The following TM9SF3 variants were observed in gnomAD, a reference collection of about 807,000 sequenced individuals.
The protein encoded by TM9SF3 is SM-11044-binding protein.
A neutral mutation model predicts 78.6 loss-of-function variants in TM9SF3; 14 were observed. The ratio of observed to expected loss-of-function variants is 0.18; its 90% CI spans 0.12 to 0.28. The LOEUF is 0.28. Among genes scored for constraint, TM9SF3 ranks in the 10% least tolerant of loss-of-function variants. TM9SF3 has a pLI of 1.00. For synonymous variants in TM9SF3, 231 were observed against 241.7 expected (o/e 0.96, Z 0.41); for missense variants, 496 against 721.9 (o/e 0.69, Z 3.59).
chr10:96,586,690 T>G (rs973292141), intron 1 of TM9SF3, 44 bp downstream of exon 1: 11 of 1,213,368 alleles, frequency 9.1e-6, no homozygotes, highest in Non-Finnish European at 1.1e-5. Flanking sequence ...AGTGGGCAAC[T>G]GGGGAGCTAG....
chr10:96,538,822 T>C (rs1715621827), intron 9 of TM9SF3, among the ~76,000 whole-genome samples: 1 of 152,194 alleles, frequency 6.6e-6, no homozygotes, highest in Non-Finnish European at 1.5e-5. Context: ...AAGACAGCAC[T>C]ATATACTCAC....
chr10:96,532,961 C>T, intron 10 of TM9SF3, 90 bp downstream of exon 10: 2 of 1,453,580 alleles, frequency 1.4e-6, no homozygotes, highest in Admixed American at 2.0e-5. Flanking sequence ...ATCATAAATA[C>T]ATACCAATTC....
chr10:96,540,196 T>A (rs773497420), intron 9 of TM9SF3, among the ~76,000 whole-genome samples: 1 of 152,166 alleles, frequency 6.6e-6, no homozygotes, highest in Non-Finnish European at 1.5e-5. Flanking sequence ...CAGACCACCA[T>A]GTCTCTAAGT....
chr10:96,526,102 A>G (rs1847835454), intron 14 of TM9SF3, among the ~76,000 whole-genome samples: 1 of 152,108 alleles, frequency 6.6e-6, no homozygotes, highest in South Asian at 2.1e-4. Flanking sequence ...TTATAGCCCT[A>G]TGAGGTAGGT....
intron 1 of TM9SF3, among the ~76,000 whole-genome samples, chr10:96,585,094 T>A (rs4919036): frequency 6.6e-6 from 1 of 151,854 alleles, no homozygotes; most frequent in African/African-American, 2.4e-5. Flanking sequence ...TTTGTAAAAT[T>A]TTAATGGTTT....
rs192010130 is a variant in TM9SF3, at chr10:96,560,583, T to C, written c.583-847A>G. On this transcript the variant is annotated intron_variant, in intron 4 of 14. Transcript: ENST00000371142. ...AGAAGATGAACAGGAGGAGGCGAAA[T>C]TCTTAAGGATATCTGGAAAGTGATC... 305 of 677,710 alleles carry C rather than the reference T, an allele frequency of 4.5e-4. No individual in the cohort carries two copies. In the African/African-American group the frequency reaches 5.1e-3, roughly 11 times the overall value. 42.0% of individuals were successfully genotyped at this position (677,710 alleles called of 1,614,324 possible).
intron 5 of TM9SF3, among the ~76,000 whole-genome samples, chr10:96,554,808 CAT>C (rs1848215401): frequency 6.6e-6 from 1 of 152,202 alleles, no homozygotes; most frequent in South Asian, 2.1e-4. Context: ...TCTTCCACCT[CAT>C]ATATAACACT....
At position 96,537,972 on chromosome 10, in the gene TM9SF3, T is replaced by G. The variant is rs143844565; in HGVS notation, c.1186-4782A>C. On this transcript the variant is annotated intron_variant, in intron 9 of 14. Coordinates refer to ENST00000371142, the MANE Select transcript of TM9SF3 (RefSeq NM_020123.4). Reference sequence around the variant, plus strand: ...GTTAAGATGTCAATTTTTCCCAAATTGTGCTATAGATTCAATGTAATCACA... The same window carrying G: ...GTTAAGATGTCAATTTTTCCCAAATGGTGCTATAGATTCAATGTAATCACA... Among the ~76,000 whole-genome samples the G allele has an allele frequency of 5.5e-3, 843 of 152,324 alleles. 5 individuals carry two copies. Among genetic ancestry groups the G allele is most frequent in the African/African-American group, 0.019 (795 of 41,572 alleles).
intron 10 of TM9SF3, 146 bp downstream of exon 10, chr10:96,532,905 G>A (rs548295337): frequency 1.1e-6 from 1 of 949,330 alleles, no homozygotes; most frequent in African/African-American, 1.7e-5. Flanking sequence ...TAGGTTAAAG[G>A]AAATAGTAAA....
intron 5 of TM9SF3, among the ~76,000 whole-genome samples, chr10:96,553,968 T>C (rs1848204939): frequency 6.6e-6 from 1 of 152,174 alleles, no homozygotes; most frequent in African/African-American, 2.4e-5. Flanking sequence ...ATGCCATCCT[T>C]TCTGCTGCCT....
chr10:96,568,430 C>T (rs939032393), intron 2 of TM9SF3, among the ~76,000 whole-genome samples: 1 of 152,068 alleles, frequency 6.6e-6, no homozygotes, highest in Non-Finnish European at 1.5e-5. Context: ...GGGAAAAAAA[C>T]AAAGTAGTAA....
At chr10:96,539,787 T>C (rs1848001248) in intron 9 of TM9SF3, among the ~76,000 whole-genome samples, 1 of 152,088 alleles carries the variant, frequency 6.6e-6, no homozygotes, top group Non-Finnish European at 1.5e-5. Context: ...TAGGCTAGGA[T>C]TCCTTTTGAC....
chr10:96,519,795 CACAT>C lies in TM9SF3; in HGVS notation c.*2464_*2467del, dbSNP rs1847742775. 6.6e-6 allele frequency: 1 copy of C among 151,906 alleles called. No homozygotes were observed. The highest frequency in any genetic ancestry group is 1.5e-5 in the Non-Finnish European group (1 of 67,836). 9.4% of individuals were successfully genotyped at this position (151,906 alleles called of 1,614,324 possible). A position where few individuals can be genotyped will look rare whatever the true frequency, so the allele number is the denominator to read the frequency against. On this transcript the variant is annotated 3_prime_UTR_variant, in exon 15 of 15. Transcript: ENST00000371142. The stretch of plus-strand genomic sequence containing the variant: ...TTAAGAAGACACACACACACGCACA[CACAT>C]ACATACACTTATTCAACCCCTCTAT...
intron 9 of TM9SF3, among the ~76,000 whole-genome samples, chr10:96,540,882 A>G (rs1848021962): frequency 1.4e-5 from 2 of 140,716 alleles, no homozygotes; most frequent in Non-Finnish European, 1.5e-5. Context: ...GGTTCAAGCG[A>G]TTCTCCTGCC....
At chr10:96,537,298 C>A (rs965106172) in intron 9 of TM9SF3, among the ~76,000 whole-genome samples, 1 of 152,128 alleles carries the variant, frequency 6.6e-6, no homozygotes, top group Non-Finnish European at 1.5e-5. Context: ...TACACAAACA[C>A]CACTGTGTTA....
At position 96,586,933 on chromosome 10, in the gene TM9SF3, A is replaced by T; in HGVS notation, c.-98T>A. Reference sequence around the variant, plus strand: ...CCTCCGCCGCGGCCGATTCGCATCCACGGGGCGCGGACAGACGCACGGGGC... The same window carrying T: ...CCTCCGCCGCGGCCGATTCGCATCCTCGGGGCGCGGACAGACGCACGGGGC... On this transcript the variant is annotated 5_prime_UTR_variant, in exon 1 of 15. Coordinates refer to ENST00000371142, the MANE Select transcript of TM9SF3 (RefSeq NM_020123.4). 1 of 998,800 alleles carries T rather than the reference A, an allele frequency of 1.0e-6. No homozygotes were observed. The highest frequency in any genetic ancestry group is 1.2e-6 in the Non-Finnish European group (1 of 804,126). The allele number at this position is 998,800 out of a possible 1,614,324, so 61.9% of individuals were successfully genotyped here.
chr10:96,574,574 C>A (rs1848475077), intron 2 of TM9SF3, among the ~76,000 whole-genome samples: 1 of 152,124 alleles, frequency 6.6e-6, no homozygotes, highest in African/African-American at 2.4e-5. Flanking sequence ...CATTACTGGG[C>A]ATATACCCCA....
chr10:96,573,823 A>G (rs7915563), intron 2 of TM9SF3, among the ~76,000 whole-genome samples: 151,260 of 152,274 alleles, frequency 0.99, 75,135 homozygotes, highest in Middle Eastern at 1. Context: ...AAGCAATGAC[A>G]AAAGGATTCC....
chr10:96,559,767 G>C (rs1407394174), intron 4 of TM9SF3, 31 bp from the exon 5 acceptor site: 2 of 1,349,676 alleles, frequency 1.5e-6, no homozygotes, highest in Non-Finnish European at 2.0e-6. Flanking sequence ...TGAAAATAAA[G>C]GCCAGTAAAC....
Sources: gnomAD v4.1 joint callset for allele counts (sites outside exome capture counted in the v4.1 genomes callset) on GRCh38, gnomAD v4.1.1 for gene constraint, MANE v1.5 for transcripts, NCBI Gene and HGNC (gene_info 2026-07-23, HGNC 2026-07-21) for gene names.